The following FBXO31 variants were observed in gnomAD, a reference collection of about 807,000 sequenced individuals.
The protein encoded by FBXO31 is F-box only protein 31.
A neutral mutation model predicts 54.4 loss-of-function variants in FBXO31; 24 were observed. The observed-to-expected ratio is 0.44, with a 90% CI of 0.32 to 0.62. The LOEUF is 0.62. Among genes scored for constraint, FBXO31 ranks in the 20% least tolerant of loss-of-function variants. FBXO31 has a pLI of 0.05. For missense variants in FBXO31, 665 were observed against 787.1 expected (o/e 0.84, Z 1.86); for synonymous variants, 388 against 335.6 (o/e 1.16, Z -1.71).
At position 87,331,088 on chromosome 16, in the gene FBXO31, T is replaced by A; in HGVS notation, c.*200A>T. 1 of 577,494 alleles carries A rather than the reference T, an allele frequency of 1.7e-6. No homozygotes were observed. The allele number at this position is 577,494 out of a possible 1,614,324, so 35.8% of individuals were successfully genotyped here. On this transcript the variant is annotated 3_prime_UTR_variant, in exon 9 of 9. Coordinates refer to ENST00000311635, the MANE Select transcript of FBXO31 (RefSeq NM_024735.5). ...TTTTGGTAAGACATGCTCAGCTTCTTCCATCATGGCACTGACAAATATGCA... is the reference window on the plus strand; with the variant it reads ...TTTTGGTAAGACATGCTCAGCTTCTACCATCATGGCACTGACAAATATGCA...
At chr16:87,347,774 A>G (rs1905458506) in intron 2 of FBXO31, among the ~76,000 whole-genome samples, 1 of 152,106 alleles carries the variant, frequency 6.6e-6, no homozygotes, top group Non-Finnish European at 1.5e-5. Context: ...CCTCCCATCA[A>G]TGGGGGGAAA....
intron 2 of FBXO31, among the ~76,000 whole-genome samples, chr16:87,350,404 C>T (rs549616746): frequency 7.9e-5 from 12 of 152,320 alleles, no homozygotes; most frequent in African/African-American, 2.6e-4. Context: ...CCATCCCACA[C>T]ACAGACACCC....
At chr16:87,348,623 G>A (rs998939069) in intron 2 of FBXO31, among the ~76,000 whole-genome samples, 2 of 152,168 alleles carry the variant, frequency 1.3e-5, no homozygotes, top group African/African-American at 2.4e-5. Context: ...GGTCACCAAA[G>A]GGCAGAGGCA....
In FBXO31 at chr16:87,335,531, GATGA is replaced by G; in HGVS notation, c.843-78_843-75del. The G allele has an allele frequency of 1.4e-6, 1 of 691,112 alleles. No individual in the cohort carries two copies. Among genetic ancestry groups the G allele is most frequent in the Non-Finnish European group, 2.3e-6 (1 of 439,094 alleles). The allele number at this position is 691,112 out of a possible 1,614,324, so 42.8% of individuals were successfully genotyped here. A position where few individuals can be genotyped will look rare whatever the true frequency, so the allele number is the denominator to read the frequency against. ...GACTGAGAACGCCCAAGGTGCCAGG[GATGA>G]GCTTTGCAGGGCGGGGTAGGGCGGG... On this transcript the variant is annotated intron_variant, in intron 6 of 8. Transcript: ENST00000311635. The surrounding 1 kb of genome is among the most constrained non-coding windows in gnomAD (Gnocchi z 5.7).
At position 87,346,911 on chromosome 16, in the gene FBXO31, G is replaced by C. The variant is rs1905414174; in HGVS notation, c.489+263C>G. The stretch of plus-strand genomic sequence containing the variant: ...CGCGATGGGCCTCAGCGTCCAGGAA[G>C]CAAAGGCCCTCACAAGCCACCCCCT... On this transcript the variant is annotated intron_variant, in intron 3 of 8. Coordinates refer to ENST00000311635, the MANE Select transcript of FBXO31 (RefSeq NM_024735.5). This position sits in a 1 kb window ranked among gnomAD's most constrained non-coding sequence, Gnocchi z 4.2. Among the ~76,000 whole-genome samples, 1 of 152,362 alleles carries C rather than the reference G, an allele frequency of 6.6e-6. No homozygotes were observed. Among genetic ancestry groups the C allele is most frequent in the Admixed American group, 6.5e-5 (1 of 15,312 alleles).
rs1046537388 is a variant in FBXO31, at chr16:87,328,234, A to G, written c.*3054T>C. The G allele has an allele frequency of 1.3e-5, 2 of 152,196 alleles. No homozygotes were observed. Among genetic ancestry groups the G allele is most frequent in the African/African-American group, 4.8e-5 (2 of 41,400 alleles). The allele number at this position is 152,196 out of a possible 1,614,324, so 9.4% of individuals were successfully genotyped here. A position where few individuals can be genotyped will look rare whatever the true frequency, so the allele number is the denominator to read the frequency against. ...CACAACTGCAGGTTCTCAGAGAAAAATCTCCAGCTCAGACCCGGTTCTGCA... is the reference window on the plus strand; with the variant it reads ...CACAACTGCAGGTTCTCAGAGAAAAGTCTCCAGCTCAGACCCGGTTCTGCA... On this transcript the variant is annotated 3_prime_UTR_variant, in exon 9 of 9. Transcript: ENST00000311635.
chr16:87,383,393 C>T lies in FBXO31; in HGVS notation c.340+12G>A, dbSNP rs1374926740. On this transcript the variant is annotated intron_variant, in intron 1 of 8. Transcript: ENST00000311635. This position sits in a 1 kb window ranked among gnomAD's most constrained non-coding sequence, Gnocchi z 4.9. ...CCCGCCCCTCCCGGCCCCGCCACCC[C>T]CGCGCGCTCACCCTCACGGCAACGC... is the stretch of plus-strand genomic sequence containing the variant. The T allele has an allele frequency of 6.5e-7, 1 of 1,531,828 alleles. No homozygotes were observed. The highest frequency in any genetic ancestry group is 2.0e-5 in the Admixed American group (1 of 49,286). 94.9% of individuals were successfully genotyped at this position (1,531,828 alleles called of 1,614,324 possible).
rs374642170 is a variant in FBXO31 at position 87,343,584 on chromosome 16, G to A, written c.657+14C>T. On this transcript the variant is annotated intron_variant, in intron 4 of 8. Coordinates refer to ENST00000311635, the MANE Select transcript of FBXO31 (RefSeq NM_024735.5). ...CCTGGGACAGTGAGGACCCAGCCCC[G>A]CCGCTGCACACACCTGGATGTGGCC... 9.4e-6 allele frequency: 15 copies of A among 1,588,742 alleles called. No homozygotes were observed. The highest frequency in any genetic ancestry group is 7.2e-5 in the Admixed American group (4 of 55,784).
Position 87,383,336 on chromosome 16 carries a change from C to CCAGCTCCGAGGCCTCCACCTGG in FBXO31, c.340+47_340+68dup, listed in dbSNP as rs1907168482. On this transcript the variant is annotated intron_variant, in intron 1 of 8. Coordinates refer to ENST00000311635, the MANE Select transcript of FBXO31 (RefSeq NM_024735.5). The surrounding 1 kb of genome is among the most constrained non-coding windows in gnomAD (Gnocchi z 4.9). ...GCCGGGGCCACCGCCCCCGCCACTC[C>CCAGCTCCGAGGCCTCCACCTGG]CAGCTCCGAGGCCTCCACCTGGCAG... 1 of 1,367,474 alleles carries CCAGCTCCGAGGCCTCCACCTGG rather than the reference C, an allele frequency of 7.3e-7. No individual in the cohort carries two copies. The highest frequency in any genetic ancestry group is 1.5e-5 in the African/African-American group (1 of 65,452). 84.7% of individuals were successfully genotyped at this position (1,367,474 alleles called of 1,614,324 possible).
chr16:87,371,766 G>A (rs774208382), intron 1 of FBXO31, among the ~76,000 whole-genome samples: 2 of 152,338 alleles, frequency 1.3e-5, no homozygotes, highest in South Asian at 2.1e-4. Context: ...ATCAGTGAGC[G>A]CGCAGCGCCA....
chr16:87,365,364 G>A (rs1010474972), intron 1 of FBXO31, among the ~76,000 whole-genome samples: 4 of 151,632 alleles, frequency 2.6e-5, no homozygotes, highest in African/African-American at 7.3e-5. Flanking sequence ...GCAAAGAAAC[G>A]ATTCTACACA....
upstream of FBXO31, among the ~76,000 whole-genome samples, chr16:87,387,592 T>C (rs1907367497): frequency 6.6e-6 from 1 of 152,136 alleles, no homozygotes; most frequent in Non-Finnish European, 1.5e-5. Flanking sequence ...GGGTGGATCA[T>C]GAGGTCAGAT....
In FBXO31 at chr16:87,358,595, G is replaced by A. The variant is rs1450794183; in HGVS notation, c.412+1700C>T. ...CCCAATGCCTGCCCCTCACCAGTGT[G>A]ATACAATCCCCTCGTGTTTATGCAG... On this transcript the variant is annotated intron_variant, in intron 2 of 8. Coordinates refer to ENST00000311635, the MANE Select transcript of FBXO31 (RefSeq NM_024735.5). This position sits in a 1 kb window ranked among gnomAD's most constrained non-coding sequence, Gnocchi z 4.0. The A allele has an allele frequency of 6.6e-6, 1 of 152,610 alleles. No homozygotes were observed. Among genetic ancestry groups the A allele is most frequent in the African/African-American group, 2.4e-5 (1 of 41,448 alleles). 9.5% of individuals were successfully genotyped at this position (152,610 alleles called of 1,614,324 possible).
rs759203274 is a variant in FBXO31 at position 87,343,696 on chromosome 16, T to G, written c.559A>C (p.Arg187=). The change falls in exon 4 of 9, where the codon AGA becomes CGA. Residue 187 remains arginine (R), a synonymous_variant. Coordinates refer to ENST00000311635, the MANE Select transcript of FBXO31 (RefSeq NM_024735.5). The part of the protein sequence containing the change: ...PHDPHVDDPM[R]FKPLFRIHLM... ...TGGATCCTGAACAGAGGCTTGAATC[T>G]CATAGGGTCATCGACGTGGGGGTCA... 3 of 1,614,222 alleles carry G rather than the reference T, an allele frequency of 1.9e-6. No individual in the cohort carries two copies. The Admixed American group carries it at 5.0e-5, about 27-fold the overall frequency.
Position 87,330,343 on chromosome 16 carries a change from T to A in FBXO31, c.*945A>T, listed in dbSNP as rs1904805508. 6.6e-6 allele frequency: 1 copy of A among 152,272 alleles called. No individual in the cohort carries two copies. The highest frequency in any genetic ancestry group is 1.5e-5 in the Non-Finnish European group (1 of 68,064). 9.4% of individuals were successfully genotyped at this position (152,272 alleles called of 1,614,324 possible). ...CCTCACCTGCAAAGGGGTTTCCTCG[T>A]CATCTCATATGGGCACTCCTGGCAC... On this transcript the variant is annotated 3_prime_UTR_variant, in exon 9 of 9. Coordinates refer to ENST00000311635, the MANE Select transcript of FBXO31 (RefSeq NM_024735.5).
chr16:87,368,274 T>G (rs1292359206), intron 1 of FBXO31, among the ~76,000 whole-genome samples: 2 of 152,246 alleles, frequency 1.3e-5, no homozygotes, highest in Non-Finnish European at 2.9e-5. Context: ...CTGACCCAAC[T>G]GCTCCTTTAA....
chr16:87,371,011 C>G (rs1209903184), intron 1 of FBXO31, among the ~76,000 whole-genome samples: 1 of 152,204 alleles, frequency 6.6e-6, no homozygotes, highest in Non-Finnish European at 1.5e-5. Context: ...CACTCCCCAA[C>G]ACTCCCAGCT....
In FBXO31 at chr16:87,335,022, C is replaced by T. The variant is rs1380677627; in HGVS notation, c.996+282G>A. On this transcript the variant is annotated intron_variant, in intron 7 of 8. Transcript: ENST00000311635. This position sits in a 1 kb window ranked among gnomAD's most constrained non-coding sequence, Gnocchi z 5.7. ...GGGTCTGCTGTCCAGACTTCCTAAA[C>T]CCCACAGGGCTGCCAGGGTGGCCGG... Among the ~76,000 whole-genome samples the T allele has an allele frequency of 6.6e-6, 1 of 152,226 alleles. No homozygotes were observed. Among genetic ancestry groups the T allele is most frequent in the East Asian group, 1.9e-4 (1 of 5,196 alleles).
At chr16:87,385,289 T>A (rs549122375), upstream of FBXO31, among the ~76,000 whole-genome samples, 2 of 152,228 alleles carry the variant, frequency 1.3e-5, no homozygotes, top group Admixed American at 1.3e-4. Context: ...AAACCCCGTC[T>A]CTACTAAAAA....
Sources: gnomAD v4.1 joint callset for allele counts (sites outside exome capture counted in the v4.1 genomes callset) on GRCh38, gnomAD v4.1.1 for gene constraint, Gnocchi (gnomAD v3.1) non-coding constraint, MANE v1.5 for transcripts, NCBI Gene and HGNC (gene_info 2026-07-23, HGNC 2026-07-21) for gene names.